Variants in JARID2 observed in about 807,000 individuals in gnomAD.
JARID2 encodes protein Jumonji.
A neutral mutation model predicts 125.6 loss-of-function variants in JARID2; 21 were observed. The observed-to-expected ratio is 0.17, with a 90% CI of 0.12 to 0.24. JARID2 has a LOEUF of 0.24. Ranked by LOEUF, JARID2 falls within the 10% of genes least tolerant of loss-of-function variation. JARID2 has a pLI of 1.00. For missense variants in JARID2, 1,303 were observed against 1,639.6 expected (o/e 0.79, Z 3.55); for synonymous variants, 736 against 661.6 (o/e 1.11, Z -1.73).
intron 1 of JARID2, among the ~76,000 whole-genome samples, chr6:15,347,158 C>T (rs2127476190): frequency 6.6e-6 from 1 of 152,300 alleles, no homozygotes; most frequent in Non-Finnish European, 1.5e-5. Flanking sequence ...ACTAAATATT[C>T]AGCAGCTACT....
At chr6:15,407,175 G>A (rs1487320543) in intron 2 of JARID2, among the ~76,000 whole-genome samples, 1 of 152,078 alleles carries the variant, frequency 6.6e-6, no homozygotes, top group Non-Finnish European at 1.5e-5. Flanking sequence ...CTTGAGCCTA[G>A]GAGGACTGCT....
chr6:15,355,981 C>T (rs186228651), intron 1 of JARID2, among the ~76,000 whole-genome samples: 1 of 152,182 alleles, frequency 6.6e-6, no homozygotes, highest in South Asian at 2.1e-4. Context: ...AGTAGTCCCC[C>T]CTCCTTTCCC....
intron 1 of JARID2, among the ~76,000 whole-genome samples, chr6:15,364,639 C>G (rs1320846830): frequency 6.6e-6 from 1 of 152,196 alleles, no homozygotes; most frequent in African/African-American, 2.4e-5. Flanking sequence ...TAAAAGATTT[C>G]TTATCTCCCA....
At chr6:15,375,718 G>C (rs1330782864) in intron 2 of JARID2, among the ~76,000 whole-genome samples, 1 of 152,138 alleles carries the variant, frequency 6.6e-6, no homozygotes, top group East Asian at 1.9e-4. Flanking sequence ...GTAGCATCTT[G>C]CTTGATTAAA....
intron 1 of JARID2, among the ~76,000 whole-genome samples, chr6:15,365,035 T>G (rs1051407975): frequency 1.3e-5 from 2 of 152,240 alleles, no homozygotes; most frequent in African/African-American, 4.8e-5. Context: ...CATTAGTGAT[T>G]AAAAGATCCA....
intron 1 of JARID2, among the ~76,000 whole-genome samples, chr6:15,251,819 A>C (rs1352348596): frequency 1.3e-5 from 2 of 152,178 alleles, no homozygotes; most frequent in African/African-American, 4.8e-5. Context: ...CTCTACTAAA[A>C]ATACAAAAAT....
At chr6:15,351,399 GA>G (rs1231071075) in intron 1 of JARID2, among the ~76,000 whole-genome samples, 1 of 152,144 alleles carries the variant, frequency 6.6e-6, no homozygotes, top group African/African-American at 2.4e-5. Flanking sequence ...AATAAAACTG[GA>G]AACCTTCCTT....
At chr6:15,505,686 C>T (rs1481811980) in intron 9 of JARID2, among the ~76,000 whole-genome samples, 1 of 152,286 alleles carries the variant, frequency 6.6e-6, no homozygotes, top group African/African-American at 2.4e-5. Context: ...GCTGCCTACA[C>T]TGTGTACCCT....
intron 1 of JARID2, among the ~76,000 whole-genome samples, chr6:15,311,266 T>TA (rs1449408982): frequency 6.6e-6 from 1 of 152,168 alleles, no homozygotes; most frequent in Non-Finnish European, 1.5e-5. Flanking sequence ...GTCTCTCTGG[T>TA]ACACTTTTAC....
chr6:15,299,668 C>T (rs556804186), intron 1 of JARID2, among the ~76,000 whole-genome samples: 12 of 152,204 alleles, frequency 7.9e-5, no homozygotes, highest in African/African-American at 1.2e-4. Context: ...TTTCTCCAGC[C>T]ACTGCACCAG....
intron 1 of JARID2, among the ~76,000 whole-genome samples, chr6:15,290,842 G>T (rs12209453): frequency 6.6e-6 from 1 of 152,124 alleles, no homozygotes; most frequent in Non-Finnish European, 1.5e-5. Context: ...GTATGGTCTC[G>T]ATCTGCTGAC....
chr6:15,419,142 A>G (rs955770983), intron 3 of JARID2, among the ~76,000 whole-genome samples: 2 of 152,252 alleles, frequency 1.3e-5, no homozygotes, highest in African/African-American at 2.4e-5. Flanking sequence ...CAAAACAATC[A>G]GCAAAAGGCT....
chr6:15,489,339 T>C (rs1194448239), intron 6 of JARID2, among the ~76,000 whole-genome samples: 1 of 152,160 alleles, frequency 6.6e-6, no homozygotes, highest in Non-Finnish European at 1.5e-5. Flanking sequence ...AACCCATCCT[T>C]GGGATGGCGA....
intron 4 of JARID2, among the ~76,000 whole-genome samples, chr6:15,462,347 A>G (rs998146385): frequency 6.6e-6 from 1 of 152,242 alleles, no homozygotes; most frequent in Non-Finnish European, 1.5e-5. Flanking sequence ...TATTTGTCCC[A>G]AAGTCTTTTA....
chr6:15,508,317 C>T (rs1210303901), intron 11 of JARID2, 23 bp from the exon 12 acceptor site: 2 of 1,198,698 alleles, frequency 1.7e-6, no homozygotes, highest in Admixed American at 1.7e-5. Context: ...TTAAAAATGC[C>T]CTTTTCACTC....
At chr6:15,391,146 C>CT (rs1764985338) in intron 2 of JARID2, among the ~76,000 whole-genome samples, 1 of 59,976 alleles carries the variant, frequency 1.7e-5, no homozygotes, top group South Asian at 6.1e-4. Context: ...AGTTGGTTTG[C>CT]CCCCTTCTAG....
intron 1 of JARID2, among the ~76,000 whole-genome samples, chr6:15,312,993 A>AAACCGAGCT (rs1319170867): frequency 6.6e-6 from 1 of 152,192 alleles, no homozygotes; most frequent in East Asian, 1.9e-4. Context: ...TCTTTCCCGC[A>AAACCGAGCT]AACCGAGCTG....
chr6:15,433,123 G>A (rs981980166), intron 3 of JARID2, among the ~76,000 whole-genome samples: 5 of 152,142 alleles, frequency 3.3e-5, no homozygotes, highest in African/African-American at 9.7e-5. Flanking sequence ...TTTAAAGCAC[G>A]TATTATATTA....
intron 1 of JARID2, among the ~76,000 whole-genome samples, chr6:15,309,009 C>T (rs1335380743): frequency 2.0e-5 from 3 of 152,096 alleles, no homozygotes; most frequent in Non-Finnish European, 4.4e-5. Flanking sequence ...TGAAGCTGGC[C>T]CAATATCTTT....
Sources: allele counts gnomAD v4.1 joint callset (sites outside exome capture counted in the v4.1 genomes callset), GRCh38; gene constraint gnomAD v4.1.1; transcripts MANE v1.5; gene names NCBI Gene and HGNC (gene_info 2026-07-23, HGNC 2026-07-21).